The following FAM135A variants were observed in gnomAD, a reference collection of about 807,000 sequenced individuals.
FAM135A encodes protein FAM135A.
A neutral mutation model predicts 146.8 loss-of-function variants in FAM135A; 79 were observed. That is an observed-to-expected ratio of 0.54 (90% CI 0.45 to 0.65). The LOEUF is 0.65. Ranked by LOEUF, FAM135A falls within the 30% of genes least tolerant of loss-of-function variation. The pLI is 0.00. For missense variants in FAM135A, 1,623 were observed against 1,758.2 expected (o/e 0.92, Z 1.38); for synonymous variants, 562 against 603.6 (o/e 0.93, Z 1.01).
intron 5 of FAM135A, among the ~76,000 whole-genome samples, chr6:70,453,977 G>A (rs1318984981): frequency 6.6e-6 from 1 of 152,146 alleles, no homozygotes; most frequent in African/African-American, 2.4e-5. Context: ...AGATCCTTGA[G>A]GAATCACCAC....
At chr6:70,514,604 G>T (rs1387059212) in intron 12 of FAM135A, among the ~76,000 whole-genome samples, 3 of 152,122 alleles carry the variant, frequency 2.0e-5, no homozygotes, top group Non-Finnish European at 4.4e-5. Context: ...CCCAAAATTG[G>T]TGAGTCAGAT....
At chr6:70,430,415 C>G (rs2127790792) in intron 4 of FAM135A, among the ~76,000 whole-genome samples, 2 of 152,228 alleles carry the variant, frequency 1.3e-5, no homozygotes, top group African/African-American at 4.8e-5. Context: ...CACTGCATTC[C>G]ATTGGCCAAG....
chr6:70,471,546 C>T (rs1014205012), intron 5 of FAM135A, among the ~76,000 whole-genome samples: 1 of 151,788 alleles, frequency 6.6e-6, no homozygotes. Flanking sequence ...GAATGACACA[C>T]CCTGGGGCCT....
intron 5 of FAM135A, among the ~76,000 whole-genome samples, chr6:70,472,507 T>G (rs6933784): frequency 0.046 from 7,032 of 152,230 alleles, 363 homozygotes; most frequent in African/African-American, 0.11. Context: ...CTAAAGAATA[T>G]TCTCCTGCAT....
At chr6:70,442,123 A>G (rs893521233) in intron 4 of FAM135A, among the ~76,000 whole-genome samples, 2 of 152,108 alleles carry the variant, frequency 1.3e-5, no homozygotes, top group African/African-American at 2.4e-5. Context: ...GGTTCCTAGT[A>G]ATGTAGATCA....
At chr6:70,413,730 C>T (rs2127643504) in intron 1 of FAM135A, 28 bp downstream of exon 1, 1 of 866,158 alleles carries the variant, frequency 1.2e-6, no homozygotes, top group Non-Finnish European at 1.4e-6. Context: ...CCCTCTGGCT[C>T]CCCCGGCTCC....
At chr6:70,490,320 T>G (rs1421464646) in intron 10 of FAM135A, among the ~76,000 whole-genome samples, 2 of 152,176 alleles carry the variant, frequency 1.3e-5, no homozygotes, top group Non-Finnish European at 2.9e-5. Context: ...ATTTCAGACA[T>G]TAGTGTAATT....
chr6:70,482,256 A>G, intron 10 of FAM135A, 102 bp downstream of exon 10: 3 of 1,182,844 alleles, frequency 2.5e-6, no homozygotes, highest in East Asian at 2.6e-5. Context: ...TACTAAAACT[A>G]CAGTGTTTGT....
At chr6:70,534,053 T>A (rs1796322365) in intron 18 of FAM135A, among the ~76,000 whole-genome samples, 199 bp downstream of exon 18, 1 of 151,602 alleles carries the variant, frequency 6.6e-6, no homozygotes, top group Admixed American at 6.6e-5. Flanking sequence ...GAGAAGAAAA[T>A]AGGTTAGTGT....
rs139685800 is a variant in FAM135A at position 70,481,007 on chromosome 6, A to G, written c.649A>G (p.Thr217Ala). 20 of 1,608,650 alleles carry G rather than the reference A, an allele frequency of 1.2e-5. No homozygotes were observed. The highest frequency in any genetic ancestry group is 5.9e-6 in the Non-Finnish European group (7 of 1,177,704). ...AAGTGTGGTCTTTGGTATTAACTACACAAAACAGTTATCACCAGATGTAAG... is the reference window on the plus strand; with the variant it reads ...AAGTGTGGTCTTTGGTATTAACTACGCAAAACAGTTATCACCAGATGTAAG... ...LESVVFGINY[T>A]KQLSPDGCSF... is the part of the protein sequence containing the mutation. Residue 217 changes from threonine (T) to alanine (A), a missense_variant, in exon 9 of 22, where the codon ACA (threonine) becomes GCA (alanine). Physicochemically the swap from Thr to Ala is moderately conservative, Grantham distance 58 (BLOSUM62 0). Transcript: ENST00000418814.
intron 2 of FAM135A, among the ~76,000 whole-genome samples, chr6:70,419,006 C>T (rs1415183863): frequency 2.0e-5 from 3 of 152,332 alleles, no homozygotes; most frequent in Non-Finnish European, 4.4e-5. Flanking sequence ...AAGATGGCAG[C>T]TAGGTGTACC....
chr6:70,531,707 T>TTG (rs1459296441), intron 16 of FAM135A, among the ~76,000 whole-genome samples: 1 of 152,170 alleles, frequency 6.6e-6, no homozygotes, highest in Non-Finnish European at 1.5e-5. Context: ...TTTCCCTTCT[T>TTG]TAAACAAGTT....
At chr6:70,493,890 TAA>T (rs1388417628) in intron 11 of FAM135A, among the ~76,000 whole-genome samples, 1 of 151,822 alleles carries the variant, frequency 6.6e-6, no homozygotes, top group East Asian at 1.9e-4. Context: ...ACATCTCTAC[TAA>T]AAATACAAAA....
chr6:70,528,398 G>A lies in FAM135A; in HGVS notation c.3721G>A (p.Glu1241Lys), dbSNP rs2128374171. 1.2e-6 allele frequency: 2 copies of A among 1,613,702 alleles called. No individual in the cohort carries two copies. The highest frequency in any genetic ancestry group is 1.1e-5 in the South Asian group (1 of 90,996). Reference sequence around the variant, plus strand: ...AGTACCTTATTTTAGTGTAGAAGAAGAGGATGGTTCTGAAGATGGAGTACA... The same window carrying A: ...AGTACCTTATTTTAGTGTAGAAGAAAAGGATGGTTCTGAAGATGGAGTACA... ...SSVPYFSVEE[E>K]DGSEDGVHLI... The change falls in exon 16 of 22, where the codon GAG (glutamate) becomes AAG (lysine). Residue 1241 changes from glutamate to lysine, a missense_variant. By Grantham distance (56) the Glu-to-Lys change is moderately conservative. This residue lies in a region of FAM135A where 1,061 missense variants were observed against 1,113.8 expected (regional missense o/e 0.95). Transcript: ENST00000418814.
intron 2 of FAM135A, among the ~76,000 whole-genome samples, chr6:70,420,445 C>A (rs1457939341): frequency 6.6e-6 from 1 of 152,202 alleles, no homozygotes; most frequent in Non-Finnish European, 1.5e-5. Context: ...GGTGCAGGAA[C>A]GTCTCCCACA....
chr6:70,476,952 A>C (rs1235243019), intron 7 of FAM135A, among the ~76,000 whole-genome samples: 1 of 152,180 alleles, frequency 6.6e-6, no homozygotes, highest in Non-Finnish European at 1.5e-5. Flanking sequence ...GGACTGATAG[A>C]AAACAATAAT....
intron 5 of FAM135A, among the ~76,000 whole-genome samples, chr6:70,453,016 A>G (rs1292796038): frequency 6.6e-6 from 1 of 152,172 alleles, no homozygotes; most frequent in East Asian, 1.9e-4. Flanking sequence ...CAATGTAGGA[A>G]GGTATGAAAT....
At chr6:70,479,525 C>T (rs1287946075) in intron 8 of FAM135A, among the ~76,000 whole-genome samples, 1 of 152,108 alleles carries the variant, frequency 6.6e-6, no homozygotes, top group Admixed American at 6.6e-5. Flanking sequence ...GCAGCAGCAT[C>T]TTTACCAGCC....
chr6:70,554,310 A>G (rs903846003), intron 20 of FAM135A, among the ~76,000 whole-genome samples: 19 of 152,222 alleles, frequency 1.2e-4, no homozygotes, highest in Admixed American at 1.2e-3. Flanking sequence ...GGCCTGAAAT[A>G]ACCATTGTAT....
Sources: allele counts gnomAD v4.1 joint callset (sites outside exome capture counted in the v4.1 genomes callset), GRCh38; gene constraint gnomAD v4.1.1; regional missense constraint gnomAD v4.1.1; transcripts MANE v1.5; gene names NCBI Gene and HGNC (gene_info 2026-07-23, HGNC 2026-07-21).